TMPRSS3: variants seen among roughly 807,000 people sequenced by gnomAD.
The protein encoded by TMPRSS3 is transmembrane serine protease 3.
A neutral mutation model predicts 59.6 loss-of-function variants in TMPRSS3; 55 were observed. That is an observed-to-expected ratio of 0.92 (90% CI 0.74 to 1.16). The LOEUF (loss-of-function observed/expected upper bound fraction) is 1.16, where lower values mean the gene tolerates loss of function less well. Among genes scored for constraint, TMPRSS3 ranks in the 50% most tolerant of loss-of-function variants. The pLI, the probability that TMPRSS3 is intolerant of heterozygous loss-of-function variation, is 0.00. For missense variants in TMPRSS3, 596 were observed against 579.4 expected (o/e 1.03, Z -0.29); for synonymous variants, 257 against 237.7 (o/e 1.08, Z -0.75).
Position 42,385,401 on chromosome 21 carries a change from C to A in TMPRSS3, c.572+8G>T, listed in dbSNP as rs2052616554. The A allele has an allele frequency of 6.2e-7, 1 of 1,613,796 alleles. No individual in the cohort carries two copies. The highest frequency in any genetic ancestry group is 1.7e-5 in the Admixed American group (1 of 59,984). On this transcript the variant is annotated splice_region_variant and intron_variant, in intron 6 of 12. Coordinates refer to ENST00000644384, the MANE Select transcript of TMPRSS3 (RefSeq NM_001256317.3). The stretch of plus-strand genomic sequence containing the variant: ...CTGTGCAGACAACAGCATCGCCTGA[C>A]CACCTACCTCACATATACTGAGTGG...
At position 42,382,200 on chromosome 21, in the gene TMPRSS3, C is replaced by A. The variant is rs1174677156; in HGVS notation, c.817G>T (p.Gly273Cys). Residue 273 changes from glycine to cysteine, a missense_variant, in exon 9 of 13, where the codon GGT becomes TGT. Gly to Cys is a radical substitution (Grantham distance 159). Transcript: ENST00000644384. ...GGATTGTCCAACAGGGAAACTAGAC[C>A]CACCTGGATGGTCCATGACTTGGGG... The part of the protein sequence containing the change: ...YLPKSWTIQV[G>C]LVSLLDNPAP... The A allele has an allele frequency of 6.2e-7, 1 of 1,614,150 alleles. No homozygotes were observed. Among genetic ancestry groups the A allele is most frequent in the East Asian group, 2.2e-5 (1 of 44,892 alleles).
At position 42,380,011 on chromosome 21, in the gene TMPRSS3, C is replaced by G. The variant is rs569238728; in HGVS notation, c.1048+106G>C. 3 of 941,410 alleles carry G rather than the reference C, an allele frequency of 3.2e-6. No homozygotes were observed. The African/African-American group carries it at 4.9e-5, about 15-fold the overall frequency. 58.3% of individuals were successfully genotyped at this position (941,410 alleles called of 1,614,324 possible). A position where few individuals can be genotyped will look rare whatever the true frequency, so the allele number is the denominator to read the frequency against. ...GACATGCACTCCCTGGCCGGGGTAT[C>G]TGGGCAGCCCATGGGAACATCACAA... On this transcript the variant is annotated intron_variant, in intron 10 of 12. Coordinates refer to ENST00000644384, the MANE Select transcript of TMPRSS3 (RefSeq NM_001256317.3).
chr21:42,377,344 G>A (rs752084443), intron 10 of TMPRSS3, among the ~76,000 whole-genome samples: 15 of 152,316 alleles, frequency 9.8e-5, no homozygotes, highest in Non-Finnish European at 2.1e-4. Context: ...TCGAAGATGC[G>A]GCATTGCTGC....
At chr21:42,381,786 A>T (rs1488661355) in intron 9 of TMPRSS3, 1 of 575,316 alleles carries the variant, frequency 1.7e-6, no homozygotes, top group African/African-American at 1.9e-5. Flanking sequence ...AAACAGGGTA[A>T]CATTGAAAAT....
intron 12 of TMPRSS3, among the ~76,000 whole-genome samples, chr21:42,373,240 C>T (rs114316004): frequency 0.033 from 4,999 of 152,306 alleles, 132 homozygotes; most frequent in African/African-American, 0.074. Context: ...ACAACTGAAA[C>T]GCACAGCGGG....
intron 5 of TMPRSS3, among the ~76,000 whole-genome samples, chr21:42,386,054 C>A (rs1042676753): frequency 1.4e-4 from 21 of 152,160 alleles, no homozygotes; most frequent in African/African-American, 5.1e-4. Flanking sequence ...AACAAGAAAG[C>A]GATTCCACGA....
intron 6 of TMPRSS3, 104 bp from the exon 7 acceptor site, chr21:42,384,117 C>G (rs891832908): frequency 6.1e-6 from 7 of 1,148,402 alleles, no homozygotes; most frequent in Admixed American, 4.0e-5. Context: ...AATTCTATTT[C>G]CCCCTCTTTG....
At position 42,382,186 on chromosome 21, in the gene TMPRSS3, C is replaced by A; in HGVS notation, c.831G>T (p.Leu277=). 3 of 1,614,192 alleles carry A rather than the reference C, an allele frequency of 1.9e-6. No homozygotes were observed. The highest frequency in any genetic ancestry group is 1.6e-4 in the Middle Eastern group (1 of 6,062). Residue 277 remains leucine (L), a synonymous_variant, in exon 9 of 13, where the codon CTG becomes CTT. Coordinates refer to ENST00000644384, the MANE Select transcript of TMPRSS3 (RefSeq NM_001256317.3). The stretch of plus-strand genomic sequence containing the variant: ...AGTGGGATGGGGCTGGATTGTCCAA[C>A]AGGGAAACTAGACCCACCTGGATGG... ...SWTIQVGLVS[L]LDNPAPSHLV... is the part of the protein sequence containing the mutation.
chr21:42,374,479 G>T (rs1427515783), intron 12 of TMPRSS3, among the ~76,000 whole-genome samples: 1 of 152,218 alleles, frequency 6.6e-6, no homozygotes, highest in Admixed American at 6.5e-5. Context: ...AGCATTTGAT[G>T]TCCTTTCTTG....
intron 6 of TMPRSS3, among the ~76,000 whole-genome samples, chr21:42,384,561 G>T (rs2052592308): frequency 6.6e-6 from 1 of 152,248 alleles, no homozygotes; most frequent in South Asian, 2.1e-4. Context: ...AAGGGAAAGG[G>T]ATCCCAAAAT....
At chr21:42,381,729 G>C (rs1310615714) in intron 9 of TMPRSS3, 2 of 447,548 alleles carry the variant, frequency 4.5e-6, no homozygotes, top group Non-Finnish European at 8.3e-6. Flanking sequence ...ACCTGGCAGA[G>C]TCATCAGTGC....
chr21:42,380,087 G>T, intron 10 of TMPRSS3, 30 bp downstream of exon 10: 1 of 1,585,416 alleles, frequency 6.3e-7, no homozygotes, highest in Non-Finnish European at 8.7e-7. Context: ...TGAGCCCCTG[G>T]ACTCCGAATC....
chr21:42,390,084 G>T, intron 2 of TMPRSS3, 47 bp from the exon 3 acceptor site: 1 of 1,373,538 alleles, frequency 7.3e-7, no homozygotes, highest in Non-Finnish European at 1.0e-6. Flanking sequence ...AACCTGACTT[G>T]GAGTGCCATG....
intron 3 of TMPRSS3, among the ~76,000 whole-genome samples, chr21:42,389,596 A>G (rs757998403): frequency 1.3e-5 from 2 of 152,198 alleles, no homozygotes; most frequent in Non-Finnish European, 2.9e-5. Context: ...CATTGCATGA[A>G]TAGGTCTCTT....
chr21:42,394,862 C>A lies in TMPRSS3; in HGVS notation c.94+462G>T. The stretch of plus-strand genomic sequence containing the variant: ...AGGCATTTGTGACTTATTTACGAAA[C>A]CAACTTTTTTCCTTCAGTTGTTAGG... On this transcript the variant is annotated intron_variant, in intron 2 of 12. Coordinates refer to ENST00000644384, the MANE Select transcript of TMPRSS3 (RefSeq NM_001256317.3). 2.6e-5 allele frequency among the ~76,000 whole-genome samples: 4 copies of A among 152,296 alleles called. No homozygotes were observed. The South Asian group carries it at 8.3e-4, about 32-fold the overall frequency.
rs975187366 is a variant in TMPRSS3 at position 42,395,942 on chromosome 21, A to G, written c.-52T>C. On this transcript the variant is annotated splice_region_variant and 5_prime_UTR_variant, in exon 1 of 13. The change abolishes an upstream ATG in the 5' untranslated region. Coordinates refer to ENST00000644384, the MANE Select transcript of TMPRSS3 (RefSeq NM_001256317.3). ...AAGCATAAGTAGTTTCGGTACTCAC[A>G]TAATTCCCGAGTCCCAAAAATGTAG... The G allele has an allele frequency of 3.9e-6, 2 of 518,992 alleles. No individual in the cohort carries two copies. The highest frequency in any genetic ancestry group is 3.2e-4 in the Middle Eastern group (1 of 3,142). The allele number at this position is 518,992 out of a possible 1,614,324, so 32.1% of individuals were successfully genotyped here. A position where few individuals can be genotyped will look rare whatever the true frequency, so the allele number is the denominator to read the frequency against.
rs990688540 is a variant in TMPRSS3 at position 42,372,823 on chromosome 21, C to A, written c.1345-44G>T. ...GCGTTATTGTTTTTAGCACTTCCAG[C>A]CATCCGTCCAACATGATGACGGAGC... On this transcript the variant is annotated intron_variant, in intron 12 of 12. Transcript: ENST00000644384. 4.3e-6 allele frequency: 7 copies of A among 1,612,388 alleles called. No homozygotes were observed. The Admixed American group carries it at 1.2e-4, about 27-fold the overall frequency.
chr21:42,387,103 A>AG (rs11435440), intron 5 of TMPRSS3, among the ~76,000 whole-genome samples: 79,271 of 151,920 alleles, frequency 0.52, 22,000 homozygotes, highest in African/African-American at 0.72. Context: ...CCCCACCATG[A>AG]GTGGCCTCTA....
At position 42,372,576 on chromosome 21, in the gene TMPRSS3, A is replaced by G; in HGVS notation, c.*186T>C. On this transcript the variant is annotated 3_prime_UTR_variant, in exon 13 of 13. Coordinates refer to ENST00000644384, the MANE Select transcript of TMPRSS3 (RefSeq NM_001256317.3). ...CTCCATCTCAAAAAAACAAAAAACA[A>G]AAAGCAGCTTGAAGGTTGTGCTGGA... 2.6e-6 allele frequency: 2 copies of G among 761,032 alleles called. No individual in the cohort carries two copies. Among genetic ancestry groups the G allele is most frequent in the East Asian group, 2.6e-5 (1 of 39,132 alleles). 47.1% of individuals were successfully genotyped at this position (761,032 alleles called of 1,614,324 possible). A position where few individuals can be genotyped will look rare whatever the true frequency, so the allele number is the denominator to read the frequency against.
Sources: gnomAD v4.1 joint callset for allele counts (sites outside exome capture counted in the v4.1 genomes callset) on GRCh38, gnomAD v4.1.1 for gene constraint, MANE v1.5 for transcripts, NCBI Gene and HGNC (gene_info 2026-07-23, HGNC 2026-07-21) for gene names.